The following SLCO3A1 variants were observed in gnomAD, a reference collection of about 807,000 sequenced individuals.
SLCO3A1 encodes solute carrier organic anion transporter family member 3A1, also known as PGE1 transporter.
In SLCO3A1, 27 loss-of-function variants were observed where a neutral mutation model predicts 63.1. That is an observed-to-expected ratio of 0.43 (90% CI 0.32 to 0.59). SLCO3A1 has a LOEUF of 0.59. Ranked by LOEUF, SLCO3A1 falls within the 20% of genes least tolerant of loss-of-function variation. The pLI is 0.09. For synonymous variants in SLCO3A1, 473 were observed against 409.9 expected (o/e 1.15, Z -1.86); for missense variants, 773 against 945.8 (o/e 0.82, Z 2.40).
At chr15:91,990,583 C>T (rs2046113747) in intron 2 of SLCO3A1, among the ~76,000 whole-genome samples, 1 of 151,836 alleles carries the variant, frequency 6.6e-6, no homozygotes, top group Admixed American at 6.6e-5. Flanking sequence ...CAACTTCTTC[C>T]AGTATATACT....
intron 2 of SLCO3A1, among the ~76,000 whole-genome samples, chr15:91,920,845 C>G (rs1000848036): frequency 3.3e-5 from 5 of 152,178 alleles, no homozygotes; most frequent in African/African-American, 7.2e-5. Flanking sequence ...GAGCACTAAC[C>G]TTTCATGGGT....
At chr15:92,016,254 T>TAGATAGATAGATAGATAGATAGATTAGA in intron 2 of SLCO3A1, among the ~76,000 whole-genome samples, 8 of 95,706 alleles carry the variant, frequency 8.4e-5, no homozygotes, top group South Asian at 4.0e-4. Flanking sequence ...GATAGATAGA[T>TAGATAGATAGATAGATAGATAGATTAGA]TAGATAGATA....
chr15:91,932,451 GTT>G (rs559551525), intron 2 of SLCO3A1, among the ~76,000 whole-genome samples: 3 of 145,800 alleles, frequency 2.1e-5, no homozygotes, highest in Admixed American at 1.4e-4. Flanking sequence ...TTTATTAGCA[GTT>G]TTTTTTTTTT....
chr15:91,950,764 A>C lies in SLCO3A1; in HGVS notation c.646+34306A>C, dbSNP rs1229260713. ...GGGTGAGGGCTGATGTGTTGTTGAA[A>C]GTCTTTGGCAATGCTTAATTTTATG... On this transcript the variant is annotated intron_variant, in intron 2 of 9. Transcript: ENST00000318445. The surrounding 1 kb of genome is among the most constrained non-coding windows in gnomAD (Gnocchi z 4.4). 6.6e-6 allele frequency among the ~76,000 whole-genome samples: 1 copy of C among 152,210 alleles called. No homozygotes were observed. The highest frequency in any genetic ancestry group is 1.5e-5 in the Non-Finnish European group (1 of 68,046).
chr15:91,975,933 C>A (rs1901090730), intron 2 of SLCO3A1, among the ~76,000 whole-genome samples: 1 of 152,206 alleles, frequency 6.6e-6, no homozygotes, highest in Admixed American at 6.5e-5. Context: ...CCCTGCAGTC[C>A]TCTTTGTTGT....
chr15:92,093,138 C>T (rs1454521446), intron 2 of SLCO3A1, among the ~76,000 whole-genome samples: 2 of 152,158 alleles, frequency 1.3e-5, no homozygotes, highest in African/African-American at 2.4e-5. Context: ...TCATTCTTGC[C>T]TTGCTATAAA....
At chr15:92,124,561 G>A (rs1156893323) in intron 5 of SLCO3A1, among the ~76,000 whole-genome samples, 2 of 152,084 alleles carry the variant, frequency 1.3e-5, no homozygotes, top group East Asian at 1.9e-4. Flanking sequence ...TCCGTGCTGG[G>A]TACCATGCTA....
chr15:92,103,019 G>C (rs952001798), intron 3 of SLCO3A1, among the ~76,000 whole-genome samples: 1 of 152,204 alleles, frequency 6.6e-6, no homozygotes, highest in African/African-American at 2.4e-5. Flanking sequence ...TTAAGAATGT[G>C]CTCTGCATAA....
At chr15:91,970,834 G>T (rs1439703475) in intron 2 of SLCO3A1, among the ~76,000 whole-genome samples, 2 of 152,090 alleles carry the variant, frequency 1.3e-5, no homozygotes, top group Non-Finnish European at 1.5e-5. Flanking sequence ...TGTACAAGGG[G>T]CGTCTGCCGT....
intron 2 of SLCO3A1, among the ~76,000 whole-genome samples, chr15:91,998,261 G>A (rs1415936785): frequency 3.9e-5 from 6 of 152,098 alleles, no homozygotes; most frequent in African/African-American, 1.2e-4. Flanking sequence ...CGAGACCAAC[G>A]TAGCCCACAT....
chr15:92,002,767 C>T (rs899817539), intron 2 of SLCO3A1, among the ~76,000 whole-genome samples: 1 of 152,146 alleles, frequency 6.6e-6, no homozygotes, highest in Admixed American at 6.5e-5. Flanking sequence ...TTCCCAAATG[C>T]ATCTCTTTTT....
Position 92,163,555 on chromosome 15 carries a change from T to TAA in SLCO3A1, c.*420_*421insAA. 5.4e-6 allele frequency: 3 copies of TAA among 552,598 alleles called. No homozygotes were observed. Among genetic ancestry groups the TAA allele is most frequent in the Non-Finnish European group, 4.1e-6 (2 of 491,190 alleles). The allele number at this position is 552,598 out of a possible 1,614,324, so 34.2% of individuals were successfully genotyped here. ...AAGAAGTTTCCTAAAATAAAAAAAA[T>TAA]TAAAAAAAAAAAACCCACAAGTTGA... On this transcript the variant is annotated 3_prime_UTR_variant, in exon 10 of 10. Transcript: ENST00000318445.
intron 7 of SLCO3A1, among the ~76,000 whole-genome samples, chr15:92,132,937 G>T (rs2048013856): frequency 6.9e-6 from 1 of 145,840 alleles, no homozygotes; most frequent in Admixed American, 6.8e-5. Context: ...CCTTATTTTG[G>T]AGTAAGATCC....
At chr15:91,973,738 C>A (rs867405377) in intron 2 of SLCO3A1, among the ~76,000 whole-genome samples, 18 of 152,244 alleles carry the variant, frequency 1.2e-4, no homozygotes, top group Middle Eastern at 6.8e-3. Context: ...GTCAAGCCTC[C>A]ATCGGTGCAC....
At chr15:92,073,363 G>A (rs931954213) in intron 2 of SLCO3A1, among the ~76,000 whole-genome samples, 1 of 152,174 alleles carries the variant, frequency 6.6e-6, no homozygotes, top group Non-Finnish European at 1.5e-5. Flanking sequence ...AGATGTTATG[G>A]AAACACTTCT....
intron 2 of SLCO3A1, among the ~76,000 whole-genome samples, chr15:92,006,245 A>G (rs2046311537): frequency 6.6e-6 from 1 of 152,200 alleles, no homozygotes; most frequent in Admixed American, 6.5e-5. Flanking sequence ...GAGAAAGAGC[A>G]GGGCCTGTTC....
chr15:92,022,960 TC>T (rs138838987), intron 2 of SLCO3A1, among the ~76,000 whole-genome samples: 95 of 148,432 alleles, frequency 6.4e-4, no homozygotes, highest in Non-Finnish European at 1.0e-3. Context: ...ATTCTGGGTG[TC>T]AGAGTAGAGT....
intron 2 of SLCO3A1, among the ~76,000 whole-genome samples, chr15:92,020,971 C>T (rs1320667326): frequency 2.0e-5 from 3 of 152,200 alleles, no homozygotes; most frequent in Non-Finnish European, 4.4e-5. Flanking sequence ...ATGTAAGTTG[C>T]ATCTTCTCTC....
intron 2 of SLCO3A1, among the ~76,000 whole-genome samples, chr15:91,965,368 C>T (rs1222868325): frequency 6.6e-6 from 1 of 152,180 alleles, no homozygotes; most frequent in Non-Finnish European, 1.5e-5. Context: ...GCTCAAATCC[C>T]TGGATTCTAT....
Sources: gnomAD v4.1 joint callset for allele counts (sites outside exome capture counted in the v4.1 genomes callset) on GRCh38, gnomAD v4.1.1 for gene constraint, Gnocchi (gnomAD v3.1) non-coding constraint, MANE v1.5 for transcripts, NCBI Gene and HGNC (gene_info 2026-07-23, HGNC 2026-07-21) for gene names.